Variants in ZNF728 observed in about 807,000 individuals in gnomAD.
ZNF728 encodes the protein zinc finger protein 728.
Under a neutral mutation model 12.5 loss-of-function variants are expected in ZNF728, and 12 were observed. The observed-to-expected ratio is 0.96, with a 90% CI of 0.61 to 1.55. The LOEUF (loss-of-function observed/expected upper bound fraction) is 1.55. ZNF728 is among the 40% of genes most tolerant of loss of function. ZNF728 has a pLI of 0.00. For synonymous variants in ZNF728, 205 were observed against 240.7 expected (o/e 0.85, Z 1.37); for missense variants, 692 against 719.2 (o/e 0.96, Z 0.43).
At position 22,976,009 on chromosome 19, in the gene ZNF728, T is replaced by C; in HGVS notation, c.1328A>G (p.Lys443Arg). Residue 443 changes from lysine (K) to arginine (R), a missense_variant, in exon 4 of 4, where the codon AAA becomes AGA. Around this residue, in one of 3 missense-constraint regions of ZNF728, gnomAD observed 244 missense variants for 235.2 expected, o/e 1.04. Transcript: ENST00000594710. ...GTGTTTCTCTCCAGTATGAATTACT[T>C]TATGTTTAGTAAGGCTCGAAAATGT... ...FTTFSSLTKH[K>R]VIHTGEKHYK... 6.3e-7 allele frequency: 1 copy of C among 1,590,520 alleles called. No individual in the cohort carries two copies. The highest frequency in any genetic ancestry group is 1.7e-4 in the Middle Eastern group (1 of 5,998).
chr19:22,977,735 C>G (rs1968821676), intron 3 of ZNF728, among the ~76,000 whole-genome samples: 1 of 152,132 alleles, frequency 6.6e-6, no homozygotes, highest in Admixed American at 6.5e-5. Context: ...CAAGACAAAT[C>G]TGAAGATGTT....
At position 22,997,400 on chromosome 19, in the gene ZNF728, C is replaced by G. The variant is rs78874831; in HGVS notation, c.3+5628G>C. On this transcript the variant is annotated intron_variant, in intron 1 of 3. Coordinates refer to ENST00000594710, the MANE Select transcript of ZNF728 (RefSeq NM_001267716.2). ...AAAAATTAAATGGCCTACACCTACA[C>G]TTGAATAACTTTTTGGTAAATAATG... 9.9e-3 allele frequency among the ~76,000 whole-genome samples: 1,507 copies of G among 152,242 alleles called. 32 individuals are homozygous for G. Among genetic ancestry groups the G allele is most frequent in the African/African-American group, 0.034 (1,433 of 41,550 alleles).
At chr19:22,983,540 T>C (rs368850854) in intron 3 of ZNF728, among the ~76,000 whole-genome samples, 1 of 152,154 alleles carries the variant, frequency 6.6e-6, no homozygotes, top group Non-Finnish European at 1.5e-5. Flanking sequence ...CATTCTACTA[T>C]AAAGACACAT....
At position 22,975,607 on chromosome 19, in the gene ZNF728, G is replaced by A. The variant is rs1968784994; in HGVS notation, c.1730C>T (p.Ser577Leu). ...EECGKAFSWV[S>L]VLNKHKKIHA... ...AATTTTCTTATGTTTGTTAAGGACT[G>A]AGACCCAGCTAAAGGCTTTGCCACA... Residue 577 changes from serine (S) to leucine (L), a missense_variant, in exon 4 of 4, where the codon TCA becomes TTA. Ser to Leu is a moderately radical substitution (Grantham distance 145). Coordinates refer to ENST00000594710, the MANE Select transcript of ZNF728 (RefSeq NM_001267716.2). 1 of 1,610,454 alleles carries A rather than the reference G, an allele frequency of 6.2e-7. No individual in the cohort carries two copies. The highest frequency in any genetic ancestry group is 8.5e-7 in the Non-Finnish European group (1 of 1,179,424).
intron 2 of ZNF728, among the ~76,000 whole-genome samples, chr19:22,987,912 C>A (rs1257796664): frequency 1.3e-5 from 2 of 152,210 alleles, no homozygotes; most frequent in African/African-American, 4.8e-5. Flanking sequence ...TATGATCAAA[C>A]AGCAAACTGT....
At chr19:22,996,123 G>A (rs1969047957) in intron 1 of ZNF728, among the ~76,000 whole-genome samples, 1 of 151,966 alleles carries the variant, frequency 6.6e-6, no homozygotes, top group African/African-American at 2.4e-5. Context: ...ATATAAGTAT[G>A]AATAATTTTA....
rs59991122 is a variant in ZNF728 at position 22,980,202 on chromosome 19, CAAAA to C, written c.227-3096_227-3093del. 4.4e-5 allele frequency among the ~76,000 whole-genome samples: 5 copies of C among 114,458 alleles called. No homozygotes were observed. The South Asian group carries it at 1.2e-3, about 27-fold the overall frequency. 75.1% of individuals were successfully genotyped at this position (114,458 alleles called of 152,430 possible). A position where few individuals can be genotyped will look rare whatever the true frequency, so the allele number is the denominator to read the frequency against. ...ATGGAAAGCAAAAAAAAAAAAGAAACAAAAAAAAAAAAAACAGGGGTTGCAATCC... is the reference window on the plus strand; with the variant it reads ...ATGGAAAGCAAAAAAAAAAAAGAAACAAAAAAAAAACAGGGGTTGCAATCC... On this transcript the variant is annotated intron_variant, in intron 3 of 3. Transcript: ENST00000594710.
At chr19:22,990,440 C>T (rs904154619) in intron 1 of ZNF728, among the ~76,000 whole-genome samples, 2 of 152,142 alleles carry the variant, frequency 1.3e-5, no homozygotes, top group Non-Finnish European at 2.9e-5. Context: ...AAACTCCACC[C>T]AATTCTGTCC....
chr19:22,999,186 T>C (rs1353948667), intron 1 of ZNF728, among the ~76,000 whole-genome samples: 2 of 152,236 alleles, frequency 1.3e-5, no homozygotes, highest in African/African-American at 2.4e-5. Flanking sequence ...AAAAAGCCCT[T>C]TTCTACCTAA....
intron 1 of ZNF728, among the ~76,000 whole-genome samples, chr19:23,000,865 CAA>C (rs879559395): frequency 0.028 from 908 of 32,474 alleles, 5 homozygotes; most frequent in African/African-American, 0.069. Context: ...AAAACACTGT[CAA>C]AAAAAAAAAA....
chr19:22,993,628 G>A (rs1243770911), intron 1 of ZNF728, among the ~76,000 whole-genome samples: 1 of 152,190 alleles, frequency 6.6e-6, no homozygotes, highest in Non-Finnish European at 1.5e-5. Context: ...AACAGTGAGT[G>A]AGCTGATACA....
intron 1 of ZNF728, among the ~76,000 whole-genome samples, chr19:22,997,868 A>G (rs1969065501): frequency 1.3e-5 from 2 of 152,138 alleles, no homozygotes; most frequent in South Asian, 2.1e-4. Context: ...AAAAAAATCT[A>G]GAAGAAATGA....
intron 3 of ZNF728, among the ~76,000 whole-genome samples, chr19:22,986,183 G>A (rs1296094888): frequency 1.3e-5 from 2 of 152,128 alleles, no homozygotes; most frequent in Admixed American, 1.3e-4. Context: ...TTTAAGAGGT[G>A]TTTGCGCCTT....
chr19:22,976,306 T>A lies in ZNF728; in HGVS notation c.1031A>T (p.Glu344Val), dbSNP rs545036840. The change falls in exon 4 of 4, where the codon GAA (glutamate) becomes GTA (valine). Residue 344 changes from glutamate to valine, a missense_variant. Coordinates refer to ENST00000594710, the MANE Select transcript of ZNF728 (RefSeq NM_001267716.2). ...GAAGTTACCAAAGGCTTTGCCACAT[T>A]CTTCACATTTGCAGGGCTTCTCTCC... ...HTGEKPCKCE[E>V]CGKAFGNFST... is the part of the protein sequence containing the mutation. 1.3e-4 allele frequency: 209 copies of A among 1,613,444 alleles called. 1 individual carries two copies. The highest frequency in any genetic ancestry group is 5.0e-4 in the Middle Eastern group (3 of 6,060).
At chr19:22,978,588 C>A (rs1278397640) in intron 3 of ZNF728, among the ~76,000 whole-genome samples, 1 of 152,200 alleles carries the variant, frequency 6.6e-6, no homozygotes, top group Non-Finnish European at 1.5e-5. Flanking sequence ...TAGAAGCTGA[C>A]AGACACCTCA....
chr19:22,975,897 G>C lies in ZNF728; in HGVS notation c.1440C>G (p.Tyr480Ter), dbSNP rs1224243764. ...AGGCTTTGCCACATTCTTCACATTT[G>C]TAGAGTTTCTCTCCAGCATGAATTG... Reference protein sequence around the residue: ...HKAIHAGEKLYKCEECGKAFK... With the variant: ...HKAIHAGEKL Residue 480 changes from tyrosine (Y) to a stop codon, truncating the protein, a stop_gained, in exon 4 of 4, where the codon TAC becomes TAG. Transcript: ENST00000594710. LOFTEE classifies it low-confidence loss of function (END_TRUNC). The C allele has an allele frequency of 1.1e-5, 17 of 1,606,254 alleles. No homozygotes were observed. Among genetic ancestry groups the C allele is most frequent in the Non-Finnish European group, 1.4e-5 (17 of 1,174,336 alleles).
At chr19:22,983,910 C>T (rs188725365) in intron 3 of ZNF728, among the ~76,000 whole-genome samples, 4 of 152,094 alleles carry the variant, frequency 2.6e-5, no homozygotes, top group South Asian at 2.1e-4. Context: ...ATGTAGATAA[C>T]GGGTTGATGG....
At chr19:23,002,045 G>A (rs1969118780) in intron 1 of ZNF728, among the ~76,000 whole-genome samples, 1 of 152,238 alleles carries the variant, frequency 6.6e-6, no homozygotes, top group African/African-American at 2.4e-5. Context: ...GCCAGGCGCG[G>A]TGGCTTACAC....
chr19:22,983,561 G>A (rs561311222), intron 3 of ZNF728, among the ~76,000 whole-genome samples: 4 of 152,188 alleles, frequency 2.6e-5, no homozygotes, highest in Admixed American at 1.3e-4. Flanking sequence ...GCATGCATAC[G>A]TTTATTGCAG....
Sources: gnomAD v4.1 joint callset for allele counts (sites outside exome capture counted in the v4.1 genomes callset) on GRCh38, gnomAD v4.1.1 for gene constraint, gnomAD v4.1.1 regional missense constraint, MANE v1.5 for transcripts, NCBI Gene and HGNC (gene_info 2026-07-23, HGNC 2026-07-21) for gene names.